PPP4R2: variants seen among roughly 807,000 people sequenced by gnomAD.
PPP4R2 encodes the protein protein phosphatase 4 regulatory subunit 2.
A neutral mutation model predicts 47.2 loss-of-function variants in PPP4R2; 13 were observed. The observed-to-expected ratio is 0.28, with a 90% confidence interval of 0.18 to 0.44. PPP4R2 has a LOEUF of 0.44. Ranked by LOEUF, PPP4R2 falls within the 20% of genes least tolerant of loss-of-function variation. The pLI, the probability that PPP4R2 is intolerant of heterozygous loss-of-function variation, is 1.00. For missense variants in PPP4R2, 421 were observed against 491.2 expected (o/e 0.86, Z 1.35); for synonymous variants, 151 against 163.3 (o/e 0.92, Z 0.57).
chr3:72,998,812 C>A (rs1701404294), intron 2 of PPP4R2, among the ~76,000 whole-genome samples: 1 of 152,020 alleles, frequency 6.6e-6, no homozygotes, highest in South Asian at 2.1e-4. Flanking sequence ...CATTGTTTTG[C>A]AGTTTGTGTG....
intron 2 of PPP4R2, among the ~76,000 whole-genome samples, chr3:73,001,467 G>T (rs1164456905): frequency 7.8e-6 from 1 of 127,480 alleles, no homozygotes; most frequent in African/African-American, 3.1e-5. Flanking sequence ...CCAGCTACTT[G>T]GGAGGAGGAG....
intron 2 of PPP4R2, among the ~76,000 whole-genome samples, chr3:73,003,799 A>G (rs1701536291): frequency 6.6e-6 from 1 of 151,964 alleles, no homozygotes; most frequent in Non-Finnish European, 1.5e-5. Context: ...CCTGGGTTCA[A>G]GCGATTTTTC....
intron 3 of PPP4R2, among the ~76,000 whole-genome samples, chr3:73,057,964 G>A (rs1230037516): frequency 1.3e-5 from 2 of 152,104 alleles, no homozygotes; most frequent in African/African-American, 4.8e-5. Context: ...AGAATAAATA[G>A]ATTGGTATGG....
At chr3:73,017,693 G>A (rs1392685795) in intron 2 of PPP4R2, among the ~76,000 whole-genome samples, 1 of 152,104 alleles carries the variant, frequency 6.6e-6, no homozygotes, top group Admixed American at 6.6e-5. Flanking sequence ...AACTTTGGAA[G>A]AAGCTGGAAG....
intron 2 of PPP4R2, among the ~76,000 whole-genome samples, chr3:73,044,087 C>G (rs553537275): frequency 6.6e-6 from 1 of 151,566 alleles, no homozygotes; most frequent in African/African-American, 2.4e-5. Flanking sequence ...GGATAATATT[C>G]GTGTGTGTGT....
chr3:73,015,158 T>G (rs543331016), intron 2 of PPP4R2, among the ~76,000 whole-genome samples: 1 of 152,294 alleles, frequency 6.6e-6, no homozygotes, highest in South Asian at 2.1e-4. Flanking sequence ...ATGAAAACAC[T>G]ACCCACAAGA....
chr3:73,038,747 G>A (rs1575868137), intron 2 of PPP4R2, among the ~76,000 whole-genome samples: 1 of 152,150 alleles, frequency 6.6e-6, no homozygotes, highest in African/African-American at 2.4e-5. Context: ...GGTAGGGAGA[G>A]GTGGATGAAT....
chr3:73,004,319 G>A (rs1243464114), intron 2 of PPP4R2, among the ~76,000 whole-genome samples: 1 of 152,134 alleles, frequency 6.6e-6, no homozygotes, highest in African/African-American at 2.4e-5. Flanking sequence ...GGAATTATAG[G>A]CATGAGCCAC....
chr3:73,053,895 C>G (rs1219809113), intron 3 of PPP4R2, among the ~76,000 whole-genome samples: 2 of 121,186 alleles, frequency 1.7e-5, no homozygotes, highest in African/African-American at 3.4e-5. Context: ...GGTGACAGAG[C>G]GAGACACCAT....
intron 2 of PPP4R2, among the ~76,000 whole-genome samples, chr3:73,007,567 C>T (rs753642201): frequency 3.3e-5 from 5 of 151,774 alleles, no homozygotes; most frequent in Non-Finnish European, 7.4e-5. Context: ...CTCTGGCTCC[C>T]GGGTTCAAGC....
Position 73,068,564 on chromosome 3 carries a change from G to T in PPP4R2, c.*2842G>T, listed in dbSNP as rs1040066658. On this transcript the variant is annotated 3_prime_UTR_variant, in exon 9 of 9. Transcript: ENST00000356692. ...TTTATTGTAACTACACCTTTCAGAC[G>T]TGTGTTTTGGAGTAGTGGAATTGCC... The T allele has an allele frequency of 3.3e-5, 5 of 152,172 alleles. No homozygotes were observed. Among genetic ancestry groups the T allele is most frequent in the Non-Finnish European group, 5.9e-5 (4 of 68,030 alleles). The allele number at this position is 152,172 out of a possible 1,614,324, so 9.4% of individuals were successfully genotyped here.
At chr3:73,017,239 G>T (rs1004950510) in intron 2 of PPP4R2, among the ~76,000 whole-genome samples, 16 of 152,120 alleles carry the variant, frequency 1.1e-4, no homozygotes, top group African/African-American at 3.9e-4. Flanking sequence ...TCATATCTGT[G>T]GGGAGAGAGC....
At chr3:73,005,128 A>T (rs997172561) in intron 2 of PPP4R2, among the ~76,000 whole-genome samples, 10 of 152,020 alleles carry the variant, frequency 6.6e-5, no homozygotes, top group African/African-American at 1.4e-4. Flanking sequence ...TGTTTAGTAG[A>T]GACGGGGTTT....
At position 73,061,746 on chromosome 3, in the gene PPP4R2, C is replaced by T. The variant is rs2231919; in HGVS notation, c.419+686C>T. ...TGCTTTCATAGACTACTCTGTTACC[C>T]AGGCTGGAGTGCGGTGATGAGTGAT... On this transcript the variant is annotated intron_variant, in intron 5 of 8. Coordinates refer to ENST00000356692, the MANE Select transcript of PPP4R2 (RefSeq NM_174907.4). 757 of 233,640 alleles carry T rather than the reference C, an allele frequency of 3.2e-3. 8 individuals carry two copies. Among genetic ancestry groups the T allele is most frequent in the African/African-American group, 0.017 (705 of 42,462 alleles). The allele number at this position is 233,640 out of a possible 1,614,324, so 14.5% of individuals were successfully genotyped here.
chr3:72,997,101 C>G (rs1313412683), intron 1 of PPP4R2, 30 bp downstream of exon 1: 4 of 1,339,712 alleles, frequency 3.0e-6, no homozygotes, highest in Non-Finnish European at 3.9e-6. Flanking sequence ...CTCCATTCCC[C>G]CTCACCTTCT....
intron 2 of PPP4R2, among the ~76,000 whole-genome samples, chr3:73,007,485 T>G (rs1038138813): frequency 1.8e-4 from 6 of 34,272 alleles, no homozygotes; most frequent in African/African-American, 3.3e-4. Context: ...TTGTTTTTTG[T>G]TTTTTTTTGT....
intron 3 of PPP4R2, among the ~76,000 whole-genome samples, chr3:73,056,905 G>A (rs190792990): frequency 6.6e-6 from 1 of 152,170 alleles, no homozygotes; most frequent in Non-Finnish European, 1.5e-5. Context: ...AAGAATTTTA[G>A]TAGGAAGAAA....
intron 2 of PPP4R2, among the ~76,000 whole-genome samples, chr3:73,036,271 A>C (rs966062184): frequency 1.3e-5 from 2 of 152,206 alleles, no homozygotes; most frequent in Admixed American, 1.3e-4. Flanking sequence ...GAATGAATAG[A>C]AATTGGTTAC....
chr3:73,023,322 G>A (rs1701997868), intron 2 of PPP4R2, among the ~76,000 whole-genome samples: 1 of 151,860 alleles, frequency 6.6e-6, no homozygotes. Context: ...GAGTAGCTCA[G>A]ATTACGGGCA....
Sources: gnomAD v4.1 joint callset for allele counts (sites outside exome capture counted in the v4.1 genomes callset) on GRCh38, gnomAD v4.1.1 for gene constraint, MANE v1.5 for transcripts, NCBI Gene and HGNC (gene_info 2026-07-23, HGNC 2026-07-21) for gene names.